GPC5: variants seen among roughly 807,000 people sequenced by gnomAD.
The protein encoded by GPC5 is glypican 5.
A neutral mutation model predicts 53.9 loss-of-function variants in GPC5; 47 were observed. That is an observed-to-expected ratio of 0.87 (90% CI 0.69 to 1.11). The LOEUF is 1.11. GPC5 is among the 50% of genes most tolerant of loss of function. The pLI is 0.00. For synonymous variants in GPC5, 286 were observed against 263.3 expected, an observed-to-expected ratio of 1.09 and a Z score of -0.84; for missense variants, 748 against 713.1, an observed-to-expected ratio of 1.05 and a Z score of -0.56.
intron 2 of GPC5, among the ~76,000 whole-genome samples, chr13:91,628,421 A>C (rs543394515): frequency 2.0e-5 from 3 of 152,110 alleles, no homozygotes; most frequent in Non-Finnish European, 4.4e-5. Context: ...GTGTTATTTC[A>C]GGTAGATCAT....
intron 1 of GPC5, among the ~76,000 whole-genome samples, chr13:91,405,707 A>T (rs765517373): frequency 6.6e-6 from 1 of 152,172 alleles, no homozygotes. Flanking sequence ...TGATCTGTGC[A>T]GTCAAGCAGG....
At chr13:92,095,696 G>A (rs1275746188) in intron 6 of GPC5, among the ~76,000 whole-genome samples, 1 of 151,984 alleles carries the variant, frequency 6.6e-6, no homozygotes, top group Non-Finnish European at 1.5e-5. Context: ...CACCATGCCC[G>A]GCTAATTTTG....
intron 2 of GPC5, among the ~76,000 whole-genome samples, chr13:91,686,931 A>G (rs2035635456): frequency 6.6e-6 from 1 of 152,018 alleles, no homozygotes; most frequent in African/African-American, 2.4e-5. Context: ...AATCAGATAT[A>G]CATTGTAAAA....
chr13:92,663,825 TACACACACTATATATATATAC>T (rs1330500022), intron 7 of GPC5, among the ~76,000 whole-genome samples: 64 of 126,798 alleles, frequency 5.0e-4, no homozygotes, highest in African/African-American at 2.0e-3. Context: ...TATATATATA[TACACACACTATATATATATAC>T]ACACACACAC....
At chr13:91,546,007 G>C (rs1037041836) in intron 2 of GPC5, among the ~76,000 whole-genome samples, 2 of 151,956 alleles carry the variant, frequency 1.3e-5, no homozygotes, top group Admixed American at 1.3e-4. Flanking sequence ...ATCATCTCCT[G>C]AAACCCTTAC....
intron 7 of GPC5, among the ~76,000 whole-genome samples, chr13:92,277,833 T>A (rs1355816635): frequency 1.3e-5 from 2 of 151,912 alleles, no homozygotes; most frequent in Admixed American, 1.3e-4. Context: ...CATGAACATC[T>A]GTTAGGCATA....
At chr13:92,485,737 A>T (rs1306052879) in intron 7 of GPC5, among the ~76,000 whole-genome samples, 1 of 152,196 alleles carries the variant, frequency 6.6e-6, no homozygotes, top group East Asian at 1.9e-4. Flanking sequence ...GCACTTTGGG[A>T]GGCCAAGGTG....
chr13:92,624,416 C>A (rs1360703906), intron 7 of GPC5, among the ~76,000 whole-genome samples: 1 of 152,148 alleles, frequency 6.6e-6, no homozygotes, highest in Non-Finnish European at 1.5e-5. Flanking sequence ...TCTAGGCAAA[C>A]CCTTTAATGG....
chr13:92,426,480 C>T (rs999318110), intron 7 of GPC5, among the ~76,000 whole-genome samples: 2 of 152,174 alleles, frequency 1.3e-5, no homozygotes, highest in Middle Eastern at 3.4e-3. Context: ...CTTTCAGTCT[C>T]TTTATAAGTT....
chr13:92,702,709 G>A (rs551342084), intron 7 of GPC5, among the ~76,000 whole-genome samples: 1 of 152,092 alleles, frequency 6.6e-6, no homozygotes, highest in African/African-American at 2.4e-5. Flanking sequence ...ATTCACAACA[G>A]GGCAGCCACA....
intron 5 of GPC5, among the ~76,000 whole-genome samples, chr13:91,768,367 T>G (rs1372040081): frequency 2.0e-5 from 3 of 152,170 alleles, no homozygotes; most frequent in African/African-American, 7.2e-5. Context: ...AAATTTGATT[T>G]GAAATTATTT....
intron 2 of GPC5, among the ~76,000 whole-genome samples, chr13:91,630,579 A>T (rs1337324763): frequency 1.3e-5 from 2 of 152,164 alleles, no homozygotes; most frequent in Admixed American, 1.3e-4. Context: ...AGCCCAGTTA[A>T]CTGGAGAGAC....
intron 7 of GPC5, among the ~76,000 whole-genome samples, chr13:92,395,403 TG>T (rs1875222240): frequency 6.6e-6 from 1 of 152,232 alleles, no homozygotes; most frequent in African/African-American, 2.4e-5. Flanking sequence ...TCCCCCGTTT[TG>T]TCCCTTATAG....
intron 2 of GPC5, among the ~76,000 whole-genome samples, chr13:91,528,053 A>T (rs1162076273): frequency 6.6e-6 from 1 of 152,122 alleles, no homozygotes; most frequent in Non-Finnish European, 1.5e-5. Flanking sequence ...CCTGAAGACA[A>T]TTGTCTTGGC....
chr13:92,060,633 T>TA (rs1482669157), intron 6 of GPC5, among the ~76,000 whole-genome samples: 2 of 152,088 alleles, frequency 1.3e-5, no homozygotes. Context: ...AACTTGCTAA[T>TA]ACGGCTATGA....
At chr13:91,678,150 C>T (rs115475662) in intron 2 of GPC5, among the ~76,000 whole-genome samples, 3,266 of 152,224 alleles carry the variant, frequency 0.021, 110 homozygotes, top group African/African-American at 0.07. Context: ...TCTGTAACTT[C>T]GGAGTGAATA....
chr13:91,958,777 C>T (rs895231486), intron 6 of GPC5, among the ~76,000 whole-genome samples: 14 of 151,940 alleles, frequency 9.2e-5, no homozygotes, highest in African/African-American at 3.4e-4. Flanking sequence ...TCCTGAATTA[C>T]AACTGGGTCA....
intron 7 of GPC5, among the ~76,000 whole-genome samples, chr13:92,621,771 A>G (rs1884877710): frequency 1.3e-5 from 2 of 152,012 alleles, no homozygotes; most frequent in Non-Finnish European, 2.9e-5. Context: ...GTGAACTGAG[A>G]TCGCACCATT....
chr13:92,547,819 CTTTTTTTTTTT>C (rs567478017), intron 7 of GPC5, among the ~76,000 whole-genome samples: 2 of 100,448 alleles, frequency 2.0e-5, no homozygotes, highest in Non-Finnish European at 3.7e-5. Flanking sequence ...GCCTATTATT[CTTTTTTTTTTT>C]TTTTTTTTTT....
Sources: gnomAD v4.1 joint callset for allele counts (sites outside exome capture counted in the v4.1 genomes callset) on GRCh38, gnomAD v4.1.1 for gene constraint, MANE v1.5 for transcripts, NCBI Gene and HGNC (gene_info 2026-07-23, HGNC 2026-07-21) for gene names.